Variants in TNRC6B observed in about 807,000 individuals in gnomAD.
TNRC6B encodes the protein trinucleotide repeat-containing gene 6B protein.
Under a neutral mutation model 203.6 loss-of-function variants are expected in TNRC6B, and 52 were observed. The ratio of observed to expected loss-of-function variants is 0.26; its 90% CI spans 0.20 to 0.32. The LOEUF is 0.32. TNRC6B is among the 10% of genes least tolerant of loss of function. TNRC6B has a pLI of 1.00. For missense variants in TNRC6B, 1,923 were observed against 2,286.2 expected (o/e 0.84, Z 3.24); for synonymous variants, 838 against 845.7 (o/e 0.99, Z 0.16).
At chr22:40,097,669 TACAC>T (rs6147625) in intron 1 of TNRC6B, among the ~76,000 whole-genome samples, 8,868 of 135,482 alleles carry the variant, frequency 0.065, 377 homozygotes, top group African/African-American at 0.13. Flanking sequence ...AGGTATATCA[TACAC>T]ACACACACAC....
At chr22:40,094,106 TAAA>T (rs551435419) in intron 1 of TNRC6B, among the ~76,000 whole-genome samples, 1 of 151,952 alleles carries the variant, frequency 6.6e-6, no homozygotes, top group Non-Finnish European at 1.5e-5. Flanking sequence ...TAATTAAAAA[TAAA>T]AAAAATTTTA....
At chr22:40,269,887 C>CA (rs34314387) in intron 5 of TNRC6B, among the ~76,000 whole-genome samples, 32,598 of 77,368 alleles carry the variant, frequency 0.42, 5,761 homozygotes, top group East Asian at 0.67. Flanking sequence ...GACTCTGTCT[C>CA]AAAAAAAAAA....
rs748328583 is a variant in TNRC6B at position 40,322,942 on chromosome 22, C to T, written c.5203C>T (p.Pro1735Ser). The change falls in exon 23 of 23, where the codon CCT becomes TCT. Residue 1735 changes from proline (P) to serine (S), a missense_variant. Transcript: ENST00000454349. ...RFLAQAQPPTPAATPSAPAAG... is the reference protein window; with the variant it reads ...RFLAQAQPPTSAATPSAPAAG... ...TCTGGCACAAGCTCAGCCCCCTACACCTGCAGCAACCCCAAGTGCGCCAGC... is the reference window on the plus strand; with the variant it reads ...TCTGGCACAAGCTCAGCCCCCTACATCTGCAGCAACCCCAAGTGCGCCAGC... 6.2e-7 allele frequency: 1 copy of T among 1,613,716 alleles called. No homozygotes were observed.
At chr22:40,171,609 A>G (rs1311215289) in intron 4 of TNRC6B, among the ~76,000 whole-genome samples, 4 of 152,136 alleles carry the variant, frequency 2.6e-5, no homozygotes, top group Admixed American at 2.6e-4. Flanking sequence ...AGTCTCTGAA[A>G]AGCTTATGGA....
At chr22:40,243,529 G>A (rs1377926095) in intron 1 of TNRC6B, among the ~76,000 whole-genome samples, 5 of 152,114 alleles carry the variant, frequency 3.3e-5, no homozygotes, top group Non-Finnish European at 7.4e-5. Context: ...GAAAAGGTTT[G>A]TTTTTGAAGA....
intron 3 of TNRC6B, among the ~76,000 whole-genome samples, chr22:40,131,155 C>A (rs2068541207): frequency 6.6e-6 from 1 of 151,990 alleles, no homozygotes; most frequent in Admixed American, 6.6e-5. Context: ...CTCCTGACCT[C>A]GTGATCCGCC....
chr22:40,219,255 C>T (rs1601893902), intron 1 of TNRC6B, among the ~76,000 whole-genome samples: 1 of 152,288 alleles, frequency 6.6e-6, no homozygotes, highest in Non-Finnish European at 1.5e-5. Flanking sequence ...GCAGTAAATA[C>T]TTGCTTTAAA....
intron 1 of TNRC6B, among the ~76,000 whole-genome samples, chr22:40,057,162 C>A (rs1053720169): frequency 2.0e-5 from 3 of 152,124 alleles, no homozygotes; most frequent in Non-Finnish European, 2.9e-5. Context: ...AAACTTCTTA[C>A]CAGGTAACAC....
intron 4 of TNRC6B, among the ~76,000 whole-genome samples, chr22:40,158,688 A>G (rs1478373443): frequency 6.6e-6 from 1 of 152,150 alleles, no homozygotes; most frequent in Non-Finnish European, 1.5e-5. Context: ...TTGTTTTCAC[A>G]AGTCTCATAC....
Position 40,265,896 on chromosome 22 carries a change from C to G in TNRC6B, c.1666C>G (p.Pro556Ala). 1 of 1,614,006 alleles carries G rather than the reference C, an allele frequency of 6.2e-7. No homozygotes were observed. Among genetic ancestry groups the G allele is most frequent in the Non-Finnish European group, 8.5e-7 (1 of 1,179,892 alleles). ...LPENQGNAQA[P>A]CWGRSSSSTG... is the part of the protein sequence containing the mutation. ...TGAAAACCAAGGCAATGCCCAGGCT[C>G]CCTGTTGGGGAAGATCTTCCAGCTC... Residue 556 changes from proline to alanine, a missense_variant, in exon 5 of 23, where the codon CCC becomes GCC. Physicochemically the swap from Pro to Ala is conservative, Grantham distance 27. Around this residue, in one of 8 missense-constraint regions of TNRC6B, gnomAD observed 614 missense variants for 587.7 expected, o/e 1.04. Transcript: ENST00000454349.
intron 1 of TNRC6B, among the ~76,000 whole-genome samples, chr22:40,104,864 G>A (rs2068269281): frequency 6.6e-6 from 1 of 152,126 alleles, no homozygotes. Flanking sequence ...ACTGAGTGTG[G>A]TACTTTGACC....
intron 4 of TNRC6B, 68 bp from the exon 5 acceptor site, chr22:40,264,620 C>A: frequency 6.8e-7 from 1 of 1,472,952 alleles, no homozygotes; most frequent in Non-Finnish European, 9.1e-7. Flanking sequence ...AAAGGAGAGC[C>A]CCTTTGAGGG....
At chr22:40,120,043 C>T (rs2068429384) in intron 2 of TNRC6B, among the ~76,000 whole-genome samples, 1 of 152,090 alleles carries the variant, frequency 6.6e-6, no homozygotes, top group Non-Finnish European at 1.5e-5. Flanking sequence ...TGGTTTTAAT[C>T]AGGAAAGATT....
intron 1 of TNRC6B, among the ~76,000 whole-genome samples, chr22:40,077,242 C>T (rs572501020): frequency 2.6e-5 from 4 of 152,252 alleles, no homozygotes; most frequent in South Asian, 2.1e-4. Context: ...CATAGGTTAT[C>T]TCTCCCATGC....
At chr22:40,130,383 TAG>T (rs1001091824) in intron 3 of TNRC6B, among the ~76,000 whole-genome samples, 1 of 148,502 alleles carries the variant, frequency 6.7e-6, no homozygotes, top group Non-Finnish European at 1.5e-5. Context: ...TTGTAGTTGG[TAG>T]AGTGTAGAGT....
intron 3 of TNRC6B, among the ~76,000 whole-genome samples, chr22:40,150,306 A>G (rs1209035507): frequency 6.6e-6 from 1 of 152,216 alleles, no homozygotes; most frequent in Non-Finnish European, 1.5e-5. Context: ...TGAACCCGGA[A>G]GGCAGAGCTT....
intron 7 of TNRC6B, among the ~76,000 whole-genome samples, chr22:40,276,332 G>GAAAA (rs368624697): frequency 1.7e-5 from 2 of 118,178 alleles, no homozygotes; most frequent in Non-Finnish European, 3.6e-5. Context: ...GGGTGACAGA[G>GAAAA]AAAAAAAAAA....
intron 1 of TNRC6B, among the ~76,000 whole-genome samples, chr22:40,109,782 T>C (rs566519800): frequency 6.6e-6 from 1 of 152,334 alleles, no homozygotes; most frequent in South Asian, 2.1e-4. Flanking sequence ...GCACAGGTTA[T>C]CTAGCTCACC....
At chr22:40,050,509 C>A (rs1444816151) in intron 1 of TNRC6B, among the ~76,000 whole-genome samples, 4 of 152,118 alleles carry the variant, frequency 2.6e-5, no homozygotes, top group Admixed American at 6.6e-5. Flanking sequence ...TTGCTCTGCT[C>A]CCCACTAGCT....
Sources: allele counts gnomAD v4.1 joint callset (sites outside exome capture counted in the v4.1 genomes callset), GRCh38; gene constraint gnomAD v4.1.1; regional missense constraint gnomAD v4.1.1; transcripts MANE v1.5; gene names NCBI Gene and HGNC (gene_info 2026-07-23, HGNC 2026-07-21).